Variants in VEPH1 observed in about 807,000 individuals in gnomAD.
The protein encoded by VEPH1 is ventricular zone expressed PH domain containing 1.
Under a neutral mutation model 85.2 loss-of-function variants are expected in VEPH1, and 80 were observed. The observed-to-expected ratio is 0.94, with a 90% CI of 0.78 to 1.13. The LOEUF (loss-of-function observed/expected upper bound fraction) is 1.13, where lower values mean the gene tolerates loss of function less well. Ranked by LOEUF, VEPH1 falls within the 50% of genes most tolerant of loss-of-function variation. The pLI is 0.00. For synonymous variants in VEPH1, 297 were observed against 348.0 expected, an observed-to-expected ratio of 0.85 and a Z score of 1.63; for missense variants, 955 against 980.5, an observed-to-expected ratio of 0.97 and a Z score of 0.35.
chr3:157,292,993 A>AAAAAAAG (rs1717702845), intron 11 of VEPH1, among the ~76,000 whole-genome samples: 1 of 151,844 alleles, frequency 6.6e-6, no homozygotes, highest in Non-Finnish European at 1.5e-5. Flanking sequence ...CAAAAAAAAA[A>AAAAAAAG]AAAAAAGAAA....
Position 157,408,343 on chromosome 3 carries a change from G to C in VEPH1, c.906+5538C>G, listed in dbSNP as rs533049733. Among the ~76,000 whole-genome samples, 451 of 152,086 alleles carry C rather than the reference G, an allele frequency of 3.0e-3. 2 individuals are homozygous for C. The highest frequency in any genetic ancestry group is 0.01 in the African/African-American group (428 of 41,504). On this transcript the variant is annotated intron_variant, in intron 6 of 13. Transcript: ENST00000362010. The stretch of plus-strand genomic sequence containing the variant: ...AGAGATAGATTGTATAAGCTCAGAA[G>C]TATACAGCCCTCTCCACACTAATAT...
chr3:157,411,172 T>C (rs1168074926), intron 6 of VEPH1, among the ~76,000 whole-genome samples: 1 of 152,178 alleles, frequency 6.6e-6, no homozygotes. Flanking sequence ...TGCTTTCTGG[T>C]GCACTCAGGA....
chr3:157,344,240 C>G (rs1208664384), intron 9 of VEPH1, among the ~76,000 whole-genome samples: 1 of 152,172 alleles, frequency 6.6e-6, no homozygotes, highest in Non-Finnish European at 1.5e-5. Context: ...GTGAAATTGT[C>G]CCTGTTTGCA....
At chr3:157,348,486 C>T (rs774762507) in intron 9 of VEPH1, among the ~76,000 whole-genome samples, 7 of 151,986 alleles carry the variant, frequency 4.6e-5, no homozygotes, top group Non-Finnish European at 1.0e-4. Flanking sequence ...TTTTGGTTTG[C>T]ATTTCTTTGA....
chr3:157,479,372 C>T (rs1452619857), intron 2 of VEPH1, among the ~76,000 whole-genome samples: 1 of 152,168 alleles, frequency 6.6e-6, no homozygotes, highest in Non-Finnish European at 1.5e-5. Flanking sequence ...ACGAAAAAGC[C>T]ACAAATTGTG....
chr3:157,263,752 C>A (rs561831714), intron 13 of VEPH1, among the ~76,000 whole-genome samples: 33 of 152,218 alleles, frequency 2.2e-4, no homozygotes, highest in Non-Finnish European at 3.8e-4. Context: ...TAACAGAAGT[C>A]TTATTAATTA....
At position 157,428,409 on chromosome 3, in the gene VEPH1, G is replaced by C. The variant is rs779244420; in HGVS notation, c.609C>G (p.Leu203=). The C allele has an allele frequency of 3.1e-6, 5 of 1,614,000 alleles. No homozygotes were observed. In the African/African-American group the frequency reaches 6.7e-5, roughly 22 times the overall value. The part of the protein sequence containing the change: ...PQPINRHLTE[L]LALMSQLEQP... Reference sequence around the variant, plus strand: ...GTTCCAGCTGAGACATCAAGGCCAGGAGTTCTGTCAGGTGTCTATTAATTG... The same window carrying C: ...GTTCCAGCTGAGACATCAAGGCCAGCAGTTCTGTCAGGTGTCTATTAATTG... The change falls in exon 5 of 14, where the codon CTC becomes CTG. Residue 203 remains leucine, a synonymous_variant. Coordinates refer to ENST00000362010, the MANE Select transcript of VEPH1 (RefSeq NM_001167912.2).
chr3:157,322,694 A>T (rs986085937), intron 9 of VEPH1, among the ~76,000 whole-genome samples: 2 of 152,212 alleles, frequency 1.3e-5, no homozygotes, highest in Non-Finnish European at 2.9e-5. Flanking sequence ...AAGCTAGATG[A>T]CAACAGGAGG....
intron 3 of VEPH1, among the ~76,000 whole-genome samples, chr3:157,463,676 C>T (rs912159097): frequency 6.6e-6 from 1 of 152,188 alleles, no homozygotes; most frequent in Non-Finnish European, 1.5e-5. Flanking sequence ...TTTGGACCCA[C>T]TAAGGCTAAC....
intron 13 of VEPH1, among the ~76,000 whole-genome samples, chr3:157,262,449 AT>A (rs1713039245): frequency 6.6e-6 from 1 of 152,160 alleles, no homozygotes; most frequent in Non-Finnish European, 1.5e-5. Context: ...AAACAATTAA[AT>A]TTCAATTTAT....
chr3:157,386,363 G>A (rs751173107), intron 6 of VEPH1, among the ~76,000 whole-genome samples: 2 of 149,556 alleles, frequency 1.3e-5, no homozygotes, highest in Non-Finnish European at 3.0e-5. Flanking sequence ...AGCAGCATAA[G>A]TGCCAAGCCA....
At chr3:157,262,780 T>G (rs1577173962) in intron 13 of VEPH1, among the ~76,000 whole-genome samples, 1 of 152,166 alleles carries the variant, frequency 6.6e-6, no homozygotes, top group Admixed American at 6.5e-5. Flanking sequence ...CTGCAAGGTA[T>G]TACATAGATT....
chr3:157,493,067 G>A (rs779161507), intron 2 of VEPH1: 2 of 319,020 alleles, frequency 6.3e-6, no homozygotes, highest in Non-Finnish European at 1.2e-5. Context: ...TGATAGGGAA[G>A]GGTAGTGGGC....
chr3:157,382,083 C>G (rs1029819726), intron 6 of VEPH1, among the ~76,000 whole-genome samples: 1 of 152,146 alleles, frequency 6.6e-6, no homozygotes, highest in African/African-American at 2.4e-5. Flanking sequence ...ATCTGTCTGT[C>G]GGGGTGATGG....
chr3:157,389,290 T>C (rs778907575), intron 6 of VEPH1, among the ~76,000 whole-genome samples: 2 of 152,114 alleles, frequency 1.3e-5, no homozygotes, highest in Non-Finnish European at 2.9e-5. Flanking sequence ...GAGAGCACTT[T>C]AGTACTATAC....
At chr3:157,452,179 C>A (rs1308351040) in intron 4 of VEPH1, among the ~76,000 whole-genome samples, 1 of 152,026 alleles carries the variant, frequency 6.6e-6, no homozygotes, top group African/African-American at 2.4e-5. Flanking sequence ...CAAATCAGAG[C>A]ACATGCAGGG....
At chr3:157,341,733 C>G (rs1723583332) in intron 9 of VEPH1, among the ~76,000 whole-genome samples, 1 of 151,916 alleles carries the variant, frequency 6.6e-6, no homozygotes, top group Admixed American at 6.6e-5. Context: ...TCAGATTCAC[C>G]AAAGTTGAAA....
intron 3 of VEPH1, among the ~76,000 whole-genome samples, chr3:157,463,721 A>G (rs1265541163): frequency 6.6e-6 from 1 of 152,144 alleles, no homozygotes; most frequent in East Asian, 1.9e-4. Flanking sequence ...CTGGTACATA[A>G]CCAGGCATGC....
intron 8 of VEPH1, among the ~76,000 whole-genome samples, 186 bp downstream of exon 8, chr3:157,364,117 C>A (rs1030781917): frequency 1.3e-5 from 2 of 151,976 alleles, no homozygotes; most frequent in Non-Finnish European, 2.9e-5. Context: ...TTCATAGTAC[C>A]CATTTAAAAT....
Sources: gnomAD v4.1 joint callset for allele counts (sites outside exome capture counted in the v4.1 genomes callset) on GRCh38, gnomAD v4.1.1 for gene constraint, MANE v1.5 for transcripts, NCBI Gene and HGNC (gene_info 2026-07-23, HGNC 2026-07-21) for gene names.